YLPM1: variants seen among roughly 807,000 people sequenced by gnomAD.
YLPM1 encodes YLP motif-containing protein 1.
YLPM1 carries 99 observed loss-of-function variants against 230.0 expected under a neutral mutation model. The observed-to-expected ratio is 0.43, with a 90% CI of 0.37 to 0.51. The LOEUF (loss-of-function observed/expected upper bound fraction) is 0.51, where lower values mean the gene tolerates loss of function less well. Among genes scored for constraint, YLPM1 ranks in the 20% least tolerant of loss-of-function variants. The pLI is 0.00. For synonymous variants in YLPM1, 984 were observed against 942.5 expected (o/e 1.04, Z -0.81); for missense variants, 2,592 against 2,707.7 (o/e 0.96, Z 0.95).
At chr14:74,829,909 G>A (rs2091594832) in intron 19 of YLPM1, among the ~76,000 whole-genome samples, 1 of 152,166 alleles carries the variant, frequency 6.6e-6, no homozygotes, top group Admixed American at 6.6e-5. Context: ...GGATTTATTA[G>A]TATAAAACTC....
chr14:74,812,980 C>T (rs2091448513), intron 11 of YLPM1, among the ~76,000 whole-genome samples, 198 bp downstream of exon 11: 1 of 152,068 alleles, frequency 6.6e-6, no homozygotes, highest in South Asian at 2.1e-4. Flanking sequence ...CACTAAAGTA[C>T]TTGGCAAAAA....
At chr14:74,773,023 C>A (rs2090994050) in intron 1 of YLPM1, among the ~76,000 whole-genome samples, 1 of 151,790 alleles carries the variant, frequency 6.6e-6, no homozygotes, top group Admixed American at 6.6e-5. Flanking sequence ...CACGGTGGCT[C>A]ACGCCTGTAA....
intron 4 of YLPM1, among the ~76,000 whole-genome samples, chr14:74,783,401 A>G (rs2091115024): frequency 6.6e-6 from 1 of 152,142 alleles, no homozygotes; most frequent in African/African-American, 2.4e-5. Flanking sequence ...AAATACTTTA[A>G]TCAGTTTTTT....
At chr14:74,804,482 A>T (rs141589586) in intron 6 of YLPM1, among the ~76,000 whole-genome samples, 1 of 152,286 alleles carries the variant, frequency 6.6e-6, no homozygotes, top group East Asian at 1.9e-4. Flanking sequence ...AATTTTGTGA[A>T]TGTGCTAGAT....
chr14:74,811,694 G>C lies in YLPM1; in HGVS notation c.5303G>C (p.Arg1768Pro), dbSNP rs1398923038. The change falls in exon 10 of 21, where the codon CGG becomes CCG. Residue 1768 changes from arginine (R) to proline (P), a missense_variant. Arg to Pro is a moderately radical substitution (Grantham distance 103, BLOSUM62 -2). Transcript: ENST00000325680. ...GGTTTTGATAGGCCATCCTATGACCGGAAGTCTGACCGACCAGTCTATGAA... is the reference window on the plus strand; with the variant it reads ...GGTTTTGATAGGCCATCCTATGACCCGAAGTCTGACCGACCAGTCTATGAA... ...RGGFDRPSYDRKSDRPVYEGP... is the reference protein window; with the variant it reads ...RGGFDRPSYDPKSDRPVYEGP... The C allele has an allele frequency of 4.0e-5, 64 of 1,611,806 alleles. No homozygotes were observed. The highest frequency in any genetic ancestry group is 5.3e-5 in the Non-Finnish European group (62 of 1,179,328).
chr14:74,818,985 A>G (rs574123980), intron 16 of YLPM1, among the ~76,000 whole-genome samples: 86 of 152,274 alleles, frequency 5.6e-4, no homozygotes, highest in Middle Eastern at 6.8e-3. Context: ...GTGCCCTCTC[A>G]GTGTGTCACA....
At chr14:74,829,092 G>A (rs2091588835) in intron 18 of YLPM1, 121 bp from the exon 19 acceptor site, 2 of 1,130,388 alleles carry the variant, frequency 1.8e-6, no homozygotes, top group African/African-American at 1.6e-5. Flanking sequence ...TGCAAGTGAT[G>A]CTGCACTCAA....
In YLPM1 at chr14:74,780,486, G is replaced by T; in HGVS notation, c.1192G>T (p.Val398Phe). The T allele has an allele frequency of 6.2e-7, 1 of 1,613,980 alleles. No homozygotes were observed. The highest frequency in any genetic ancestry group is 8.5e-7 in the Non-Finnish European group (1 of 1,179,892). ...CTGGCAGCAGCACCAGCAGCATCGA[G>T]TCGGTTTCCAGTATCAGGGAATAAT... ...AHWQQHQQHR[V>F]GFQYQGIMQK... Residue 398 changes from valine to phenylalanine, a missense_variant, in exon 3 of 21, where the codon GTC becomes TTC. By Grantham distance (50) the Val-to-Phe change is conservative. Coordinates refer to ENST00000325680, the MANE Select transcript of YLPM1 (RefSeq NM_019589.3).
At position 74,797,967 on chromosome 14, in the gene YLPM1, A is replaced by G; in HGVS notation, c.2670A>G (p.Val890=). ...CTGCATTTTCCATTGCTGCAGATGTAAAGGATGTCAAGGCGGCTCAGTCAA... is the reference window on the plus strand; with the variant it reads ...CTGCATTTTCCATTGCTGCAGATGTGAAGGATGTCAAGGCGGCTCAGTCAA... The part of the protein sequence containing the change: ...QSAAFSIAAD[V]KDVKAAQSNE... The change falls in exon 5 of 21, where the codon GTA becomes GTG. Residue 890 remains valine, a synonymous_variant. Transcript: ENST00000325680. 6.2e-7 allele frequency: 1 copy of G among 1,613,914 alleles called. No individual in the cohort carries two copies. The highest frequency in any genetic ancestry group is 1.1e-5 in the South Asian group (1 of 91,064).
intron 1 of YLPM1, among the ~76,000 whole-genome samples, chr14:74,771,617 A>C (rs762887590): frequency 1.3e-5 from 2 of 152,208 alleles, no homozygotes; most frequent in Non-Finnish European, 2.9e-5. Context: ...AGTACTGCTG[A>C]GACGTCAAGC....
chr14:74,778,612 T>C lies in YLPM1; in HGVS notation c.1039T>C (p.Ser347Pro). 6.3e-7 allele frequency: 1 copy of C among 1,596,946 alleles called. No homozygotes were observed. The highest frequency in any genetic ancestry group is 2.3e-5 in the East Asian group (1 of 43,826). ...PATSQVPESP[S>P]SEEPPLPPPN... Reference sequence around the variant, plus strand: ...CACCAGTCAAGTTCCAGAATCTCCTTCTTCTGAGGAGCCCCCATTGCCACC... The same window carrying C: ...CACCAGTCAAGTTCCAGAATCTCCTCCTTCTGAGGAGCCCCCATTGCCACC... Residue 347 changes from serine (S) to proline (P), a missense_variant, in exon 2 of 21, where the codon TCT (serine) becomes CCT (proline). By Grantham distance (74) the Ser-to-Pro change is moderately conservative. Transcript: ENST00000325680.
In YLPM1 at chr14:74,798,442, C is replaced by G. The variant is rs1173745571; in HGVS notation, c.3145C>G (p.Pro1049Ala). 6.2e-7 allele frequency: 1 copy of G among 1,613,638 alleles called. No homozygotes were observed. Among genetic ancestry groups the G allele is most frequent in the South Asian group, 1.1e-5 (1 of 91,064 alleles). The change falls in exon 5 of 21, where the codon CCA (proline) becomes GCA (alanine). Residue 1049 changes from proline to alanine, a missense_variant. Transcript: ENST00000325680. ...RGRGQAISRG[P>A]GLVKQEDFRD... ...TCGCGGCCAGGCAATCAGTCGAGGC[C>G]CAGGATTGGTCAAGCAAGAAGACTT...
chr14:74,800,691 T>TA (rs2091315406), intron 5 of YLPM1, among the ~76,000 whole-genome samples: 1 of 152,226 alleles, frequency 6.6e-6, no homozygotes, highest in African/African-American at 2.4e-5. Flanking sequence ...AAAGACCAGA[T>TA]ACGGCAGGTT....
Position 74,807,000 on chromosome 14 carries a change from G to A in YLPM1, c.4522-2380G>A, listed in dbSNP as rs72732200. 3.8e-3 allele frequency among the ~76,000 whole-genome samples: 572 copies of A among 152,186 alleles called. 1 individual carries two copies. The highest frequency in any genetic ancestry group is 6.9e-3 in the Admixed American group (106 of 15,298). Reference sequence around the variant, plus strand: ...AAACTTGTCTTGATAGATCTACCCAGACTGAATAGCTTCATCCTATATTGG... The same window carrying A: ...AAACTTGTCTTGATAGATCTACCCAAACTGAATAGCTTCATCCTATATTGG... On this transcript the variant is annotated intron_variant, in intron 6 of 20. Coordinates refer to ENST00000325680, the MANE Select transcript of YLPM1 (RefSeq NM_019589.3).
intron 18 of YLPM1, among the ~76,000 whole-genome samples, chr14:74,824,952 T>A (rs2091551088): frequency 6.6e-6 from 1 of 152,154 alleles, no homozygotes. Flanking sequence ...ATGGATTCCC[T>A]CTATTATTTG....
At chr14:74,765,716 A>G (rs989002289) in intron 1 of YLPM1, among the ~76,000 whole-genome samples, 3 of 152,188 alleles carry the variant, frequency 2.0e-5, no homozygotes, top group African/African-American at 4.8e-5. Context: ...AGACAAAATA[A>G]TTGTATTTTT....
chr14:74,811,302 C>T (rs748861084), intron 9 of YLPM1, among the ~76,000 whole-genome samples: 3 of 151,792 alleles, frequency 2.0e-5, no homozygotes, highest in East Asian at 3.9e-4. Flanking sequence ...GCCAACATGG[C>T]GAAACCCCAT....
At chr14:74,810,559 C>A in intron 9 of YLPM1, 139 bp downstream of exon 9, 1 of 895,328 alleles carries the variant, frequency 1.1e-6, no homozygotes, top group Non-Finnish European at 1.6e-6. Context: ...CAATTCTGGA[C>A]CAGTTTTCAG....
intron 1 of YLPM1, among the ~76,000 whole-genome samples, chr14:74,772,531 G>A (rs2090988155): frequency 6.6e-6 from 1 of 151,698 alleles, no homozygotes; most frequent in African/African-American, 2.4e-5. Context: ...GCTAAGTTTT[G>A]TATTTTTAGT....
Sources: allele counts gnomAD v4.1 joint callset (sites outside exome capture counted in the v4.1 genomes callset), GRCh38; gene constraint gnomAD v4.1.1; transcripts MANE v1.5; gene names NCBI Gene and HGNC (gene_info 2026-07-23, HGNC 2026-07-21).